ADGRE3: variants seen among roughly 807,000 people sequenced by gnomAD.
ADGRE3 encodes the protein EGF-like module receptor 3.
ADGRE3 carries 88 observed loss-of-function variants against 80.1 expected under a neutral mutation model. The ratio of observed to expected loss-of-function variants is 1.10; its 90% confidence interval spans 0.93 to 1.31. ADGRE3 has a LOEUF of 1.31. Among genes scored for constraint, ADGRE3 ranks in the 40% most tolerant of loss-of-function variants. ADGRE3 has a pLI of 0.00. For missense variants in ADGRE3, 715 were observed against 776.5 expected, an observed-to-expected ratio of 0.92 and a Z score of 0.94; for synonymous variants, 281 against 294.8, an observed-to-expected ratio of 0.95 and a Z score of 0.48.
chr19:14,666,722 GC>G (rs1161267043), intron 2 of ADGRE3, among the ~76,000 whole-genome samples: 2 of 152,130 alleles, frequency 1.3e-5, no homozygotes, highest in Non-Finnish European at 2.9e-5. Flanking sequence ...ACTCAGTGGA[GC>G]AAAATAGTCA....
At position 14,632,068 on chromosome 19, in the gene ADGRE3, T is replaced by A. The variant is rs369755677; in HGVS notation, c.1643+853A>T. Among the ~76,000 whole-genome samples, 37 of 152,270 alleles carry A rather than the reference T, an allele frequency of 2.4e-4. No homozygotes were observed. The South Asian group carries it at 5.8e-3, about 24-fold the overall frequency. ...ATATTTTGAAATATTATACAAGATATCTTTTAATCTAGATTCTTATTGAAC... is the reference window on the plus strand; with the variant it reads ...ATATTTTGAAATATTATACAAGATAACTTTTAATCTAGATTCTTATTGAAC... On this transcript the variant is annotated intron_variant, in intron 13 of 15. Coordinates refer to ENST00000253673, the MANE Select transcript of ADGRE3 (RefSeq NM_032571.5).
At position 14,624,755 on chromosome 19, in the gene ADGRE3, T is replaced by C. The variant is rs537698382; in HGVS notation, c.1920+737A>G. 3.1e-3 allele frequency among the ~76,000 whole-genome samples: 453 copies of C among 147,906 alleles called. 1 individual carries two copies. Among genetic ancestry groups the C allele is most frequent in the South Asian group, 4.7e-3 (22 of 4,662 alleles). On this transcript the variant is annotated intron_variant, in intron 15 of 15. Coordinates refer to ENST00000253673, the MANE Select transcript of ADGRE3 (RefSeq NM_032571.5). ...GGGTGACAGAGCAAGACCCTGTCTC[T>C]TAAAAAAAAAAAAAAAGGAAAATAT...
chr19:14,674,827 A>G lies in ADGRE3; in HGVS notation c.-57T>C. On this transcript the variant is annotated 5_prime_UTR_variant, in exon 1 of 16. Transcript: ENST00000253673. ...CCCTGGAAGCTCTCTACTGTGCCGT[A>G]AGCCAACCACCTTTCCTAGCTCAAG... is the stretch of plus-strand genomic sequence containing the variant. The G allele has an allele frequency of 6.3e-7, 1 of 1,576,490 alleles. No homozygotes were observed. The highest frequency in any genetic ancestry group is 1.4e-5 in the African/African-American group (1 of 73,840).
At chr19:14,641,837 C>T (rs8103021) in intron 9 of ADGRE3, among the ~76,000 whole-genome samples, 75,303 of 152,018 alleles carry the variant, frequency 0.5, 18,849 homozygotes, top group East Asian at 0.63. Context: ...ATTGTTAATA[C>T]AGACTGCTAA....
downstream of ADGRE3, among the ~76,000 whole-genome samples, chr19:14,615,172 T>C (rs1231336548): frequency 1.3e-5 from 2 of 150,778 alleles, no homozygotes; most frequent in Admixed American, 6.7e-5. Flanking sequence ...TGCCTCCCAC[T>C]GTTTGTTGAT....
intron 9 of ADGRE3, among the ~76,000 whole-genome samples, chr19:14,642,666 C>T (rs1021813490): frequency 2.0e-5 from 3 of 152,114 alleles, no homozygotes; most frequent in African/African-American, 4.8e-5. Context: ...AGTGAGAACA[C>T]GAGTATTTGG....
chr19:14,659,822 G>GAAAAAAAAAAAAAAAAAA (rs66908687), intron 4 of ADGRE3, among the ~76,000 whole-genome samples: 4 of 44,840 alleles, frequency 8.9e-5, no homozygotes, highest in Non-Finnish European at 1.2e-4. Context: ...CTCTGCCTCT[G>GAAAAAAAAAAAAAAAAAA]AAAAAAAAAA....
chr19:14,616,048 C>T (rs1041618782), downstream of ADGRE3, among the ~76,000 whole-genome samples: 5 of 151,754 alleles, frequency 3.3e-5, no homozygotes, highest in Non-Finnish European at 5.9e-5. Context: ...TCTTCTGCCT[C>T]AGCCTCCCGA....
the ADGRE3 span, among the ~76,000 whole-genome samples, chr19:14,613,203 G>A: frequency 0.014 from 2,112 of 151,474 alleles, 29 homozygotes; most frequent in Non-Finnish European, 0.023. Flanking sequence ...TAAGATTACA[G>A]GCGTGAGCCA....
chr19:14,673,333 T>TA (rs1352688209), intron 1 of ADGRE3, among the ~76,000 whole-genome samples: 1 of 152,258 alleles, frequency 6.6e-6, no homozygotes, highest in Non-Finnish European at 1.5e-5. Context: ...AATGCCAGGC[T>TA]AAAGTAGCTG....
chr19:14,605,560 C>T, the ADGRE3 span, among the ~76,000 whole-genome samples: 1 of 152,192 alleles, frequency 6.6e-6, no homozygotes, highest in African/African-American at 2.4e-5. Flanking sequence ...AATCTTTCCA[C>T]CACCCTAGAA....
intron 3 of ADGRE3, 109 bp from the exon 4 acceptor site, chr19:14,662,227 A>C (rs1341621631): frequency 1.8e-6 from 2 of 1,088,448 alleles, no homozygotes. Flanking sequence ...TGGCTTTCCG[A>C]GACAAATCAG....
chr19:14,668,940 C>T, intron 1 of ADGRE3, 88 bp from the exon 2 acceptor site: 1 of 1,276,364 alleles, frequency 7.8e-7, no homozygotes, highest in Non-Finnish European at 1.1e-6. Context: ...TATCAGTTAT[C>T]TATCACTGTG....
chr19:14,658,842 C>T (rs8100451), intron 4 of ADGRE3, among the ~76,000 whole-genome samples: 50,825 of 151,618 alleles, frequency 0.34, 8,969 homozygotes, highest in African/African-American at 0.46. Flanking sequence ...TCAAGTGATT[C>T]TCCTGCCTCA....
intron 1 of ADGRE3, among the ~76,000 whole-genome samples, chr19:14,674,158 A>G (rs1288790925): frequency 6.6e-6 from 1 of 152,164 alleles, no homozygotes; most frequent in Non-Finnish European, 1.5e-5. Flanking sequence ...ATCAAGAAGG[A>G]GAAGACATCA....
At chr19:14,617,232 CTCTTT>C (rs1467647457), downstream of ADGRE3, among the ~76,000 whole-genome samples, 4 of 151,672 alleles carry the variant, frequency 2.6e-5, no homozygotes, top group East Asian at 3.9e-4. Context: ...CTTTTCTTTT[CTCTTT>C]TCTTTTCTTT....
the ADGRE3 span, chr19:14,610,140 G>A: frequency 6.2e-7 from 1 of 1,605,196 alleles, no homozygotes; most frequent in Non-Finnish European, 8.5e-7. Flanking sequence ...CACCTGGAAT[G>A]ATCTCTCTTG....
In ADGRE3 at chr19:14,636,133, T is replaced by C. The variant is rs781759838; in HGVS notation, c.1484+1972A>G. Among the ~76,000 whole-genome samples the C allele has an allele frequency of 6.3e-3, 237 of 37,808 alleles. 13 individuals carry two copies. The highest frequency in any genetic ancestry group is 0.02 in the African/African-American group (212 of 10,654). 24.8% of individuals were successfully genotyped at this position (37,808 alleles called of 152,430 possible). The stretch of plus-strand genomic sequence containing the variant: ...TTCTTTCTTTCTTTCTTTCTTTCTT[T>C]CTTTCTTTCTTTCTTTCTTCCTTTC... On this transcript the variant is annotated intron_variant, in intron 11 of 15. Coordinates refer to ENST00000253673, the MANE Select transcript of ADGRE3 (RefSeq NM_032571.5).
intron 6 of ADGRE3, among the ~76,000 whole-genome samples, chr19:14,652,310 G>T (rs1410098968): frequency 6.6e-6 from 1 of 152,004 alleles, no homozygotes; most frequent in Non-Finnish European, 1.5e-5. Context: ...GCTAAAAAAT[G>T]TTAAGCTCAT....
Sources: allele counts gnomAD v4.1 joint callset (sites outside exome capture counted in the v4.1 genomes callset), GRCh38; gene constraint gnomAD v4.1.1; transcripts MANE v1.5; gene names NCBI Gene and HGNC (gene_info 2026-07-23, HGNC 2026-07-21).